Variants in MAST2 observed in about 807,000 individuals in gnomAD.
MAST2 encodes microtubule-associated serine/threonine-protein kinase 2.
A neutral mutation model predicts 147.4 loss-of-function variants in MAST2; 70 were observed. The ratio of observed to expected loss-of-function variants is 0.47; its 90% confidence interval spans 0.39 to 0.58. MAST2 has a LOEUF of 0.58. Ranked by LOEUF, MAST2 falls within the 20% of genes least tolerant of loss-of-function variation. The pLI is 0.00. For missense variants in MAST2, 2,080 were observed against 2,302.3 expected, an observed-to-expected ratio of 0.90 and a Z score of 1.98; for synonymous variants, 869 against 896.8, an observed-to-expected ratio of 0.97 and a Z score of 0.55.
intron 4 of MAST2, among the ~76,000 whole-genome samples, chr1:45,911,264 G>C (rs1030388157): frequency 7.9e-5 from 12 of 152,344 alleles, no homozygotes; most frequent in African/African-American, 2.9e-4. Flanking sequence ...AGTACTCTGT[G>C]TGGGGATGTG....
chr1:45,840,187 G>A (rs946097430), intron 3 of MAST2, among the ~76,000 whole-genome samples: 1 of 152,168 alleles, frequency 6.6e-6, no homozygotes, highest in African/African-American at 2.4e-5. Context: ...GTATCTACAA[G>A]GGGGTGGAAT....
Position 45,803,949 on chromosome 1 carries a change from G to A in MAST2, c.54G>A (p.Arg18=), listed in dbSNP as rs1644062306. ...DRPQPPPPDR[R]EDGVQRAAEL... is the part of the protein sequence containing the mutation. ...CGCAGCCGCCGCCGCCCGACCGCCG[G>A]GAGGATGGAGTTCAGCGGGCAGCGG... The change falls in exon 1 of 29, where the codon CGG becomes CGA. Residue 18 remains arginine (R), a synonymous_variant. Transcript: ENST00000361297. The A allele has an allele frequency of 4.2e-5, 40 of 958,296 alleles. No homozygotes were observed. Among genetic ancestry groups the A allele is most frequent in the Non-Finnish European group, 5.4e-5 (38 of 707,412 alleles). 59.4% of individuals were successfully genotyped at this position (958,296 alleles called of 1,614,324 possible).
At chr1:45,867,955 A>G (rs1167813436) in intron 3 of MAST2, among the ~76,000 whole-genome samples, 1 of 152,164 alleles carries the variant, frequency 6.6e-6, no homozygotes, top group Non-Finnish European at 1.5e-5. Context: ...TTTTGGCCTC[A>G]TTCTCAAGCT....
chr1:46,031,652 G>A lies in MAST2; in HGVS notation c.3187+67G>A. The A allele has an allele frequency of 1.4e-6, 2 of 1,477,832 alleles. No individual in the cohort carries two copies. Among genetic ancestry groups the A allele is most frequent in the Non-Finnish European group, 1.8e-6 (2 of 1,084,466 alleles). 91.5% of individuals were successfully genotyped at this position (1,477,832 alleles called of 1,614,324 possible). Reference sequence around the variant, plus strand: ...CCTTGTAATCTCTAGGCCTTGGGAGGGTTCTGCACGTGGCAGGTGTGTGTG... The same window carrying A: ...CCTTGTAATCTCTAGGCCTTGGGAGAGTTCTGCACGTGGCAGGTGTGTGTG... On this transcript the variant is annotated intron_variant, in intron 24 of 28. Coordinates refer to ENST00000361297, the MANE Select transcript of MAST2 (RefSeq NM_015112.3). This position sits in a 1 kb window ranked among gnomAD's most constrained non-coding sequence, Gnocchi z 4.1.
intron 27 of MAST2, 53 bp from the exon 28 acceptor site, chr1:46,033,994 GGTGGGTGCCTTGGCCCTGGGGGTCCA>G (rs1646789333): frequency 6.2e-7 from 1 of 1,608,382 alleles, no homozygotes; most frequent in Non-Finnish European, 8.5e-7. Flanking sequence ...GCTGGTACGT[GGTGGGTGCCTTGGCCCTGGGGGTCCA>G]GTGTGTGCTG....
chr1:45,992,681 G>GCTTTTTTT (rs1644897288), intron 5 of MAST2, among the ~76,000 whole-genome samples: 5 of 152,034 alleles, frequency 3.3e-5, no homozygotes, highest in Admixed American at 3.3e-4. Flanking sequence ...TTTTGGAGAT[G>GCTTTTTTT]ATTAGCTATT....
intron 4 of MAST2, among the ~76,000 whole-genome samples, chr1:45,925,052 A>G (rs190748540): frequency 2.6e-5 from 4 of 152,330 alleles, no homozygotes; most frequent in Non-Finnish European, 4.4e-5. Context: ...CTATTGAGGC[A>G]TTTGGCTGCA....
chr1:45,876,827 C>T (rs1295813078), intron 3 of MAST2, among the ~76,000 whole-genome samples: 1 of 152,116 alleles, frequency 6.6e-6, no homozygotes, highest in Non-Finnish European at 1.5e-5. Context: ...TCCACGGATG[C>T]GCTTCCGTGC....
chr1:45,816,555 C>T (rs1333136696), intron 1 of MAST2, among the ~76,000 whole-genome samples: 1 of 151,974 alleles, frequency 6.6e-6, no homozygotes, highest in Non-Finnish European at 1.5e-5. Flanking sequence ...GTAACTTCAG[C>T]AAAGAAATGG....
At chr1:45,929,449 G>C (rs907210190) in intron 4 of MAST2, among the ~76,000 whole-genome samples, 1 of 152,174 alleles carries the variant, frequency 6.6e-6, no homozygotes, top group Non-Finnish European at 1.5e-5. Flanking sequence ...TGATTGCTCA[G>C]CTGAGGAAAA....
intron 4 of MAST2, among the ~76,000 whole-genome samples, chr1:45,918,313 G>A (rs1652886671): frequency 6.6e-6 from 1 of 152,192 alleles, no homozygotes; most frequent in Non-Finnish European, 1.5e-5. Flanking sequence ...AAGTGCCAGG[G>A]GCCTGATCTA....
intron 3 of MAST2, among the ~76,000 whole-genome samples, chr1:45,875,659 G>C (rs1646576021): frequency 6.6e-6 from 1 of 152,072 alleles, no homozygotes; most frequent in African/African-American, 2.4e-5. Context: ...ATTAAAGATA[G>C]ATATTTTGGA....
At chr1:45,804,964 T>C (rs976281920) in intron 1 of MAST2, among the ~76,000 whole-genome samples, 1 of 152,214 alleles carries the variant, frequency 6.6e-6, no homozygotes, top group African/African-American at 2.4e-5. Context: ...CTATTCGGGA[T>C]CCTACTGACT....
At chr1:45,923,553 G>A (rs1224488937) in intron 4 of MAST2, among the ~76,000 whole-genome samples, 1 of 152,136 alleles carries the variant, frequency 6.6e-6, no homozygotes, top group African/African-American at 2.4e-5. Flanking sequence ...CACAGGAAGC[G>A]AGGGTGCAGA....
At chr1:45,918,013 A>G (rs1298987461) in intron 4 of MAST2, among the ~76,000 whole-genome samples, 1 of 152,200 alleles carries the variant, frequency 6.6e-6, no homozygotes, top group African/African-American at 2.4e-5. Flanking sequence ...TGTTTTGGGC[A>G]TGGGAAACAA....
At chr1:45,827,942 T>C (rs534410323) in intron 2 of MAST2, among the ~76,000 whole-genome samples, 1 of 151,638 alleles carries the variant, frequency 6.6e-6, no homozygotes, top group African/African-American at 2.4e-5. Context: ...CCTCCCCGCT[T>C]CTCCTCAGCC....
chr1:45,940,973 A>G (rs1455283881), intron 4 of MAST2, among the ~76,000 whole-genome samples: 4 of 152,198 alleles, frequency 2.6e-5, no homozygotes, highest in African/African-American at 9.6e-5. Flanking sequence ...AAGAAAAGTC[A>G]TTGGTACTTG....
At position 46,026,849 on chromosome 1, in the gene MAST2, C is replaced by T. The variant is rs572464918; in HGVS notation, c.1920-882C>T. On this transcript the variant is annotated intron_variant, in intron 16 of 28. Coordinates refer to ENST00000361297, the MANE Select transcript of MAST2 (RefSeq NM_015112.3). ...CTGAATTCAAATGGCCACTCTTCTG[C>T]TTATTAAGTCTGAGTTTGAGTCTAC... 3.3e-5 allele frequency among the ~76,000 whole-genome samples: 5 copies of T among 152,262 alleles called. No individual in the cohort carries two copies. The East Asian group carries it at 9.6e-4, about 29-fold the overall frequency.
At chr1:45,886,313 T>TACAC (rs56032969) in intron 4 of MAST2, among the ~76,000 whole-genome samples, 1,473 of 145,578 alleles carry the variant, frequency 0.01, 16 homozygotes, top group African/African-American at 0.032. Context: ...TATCTATAAG[T>TACAC]ACACACACAC....
Sources: allele counts gnomAD v4.1 joint callset (sites outside exome capture counted in the v4.1 genomes callset), GRCh38; gene constraint gnomAD v4.1.1; non-coding constraint Gnocchi (gnomAD v3.1); transcripts MANE v1.5; gene names NCBI Gene and HGNC (gene_info 2026-07-23, HGNC 2026-07-21).